The following CADM2 variants were observed in gnomAD, a reference collection of about 807,000 sequenced individuals.
CADM2 encodes immunoglobulin superfamily member 4D.
A neutral mutation model predicts 49.8 loss-of-function variants in CADM2; 12 were observed. The observed-to-expected ratio is 0.24, with a 90% CI of 0.15 to 0.39. CADM2 has a LOEUF of 0.39. Ranked by LOEUF, CADM2 falls within the 10% of genes least tolerant of loss-of-function variation. The pLI is 1.00. For missense variants in CADM2, 378 were observed against 492.3 expected, an observed-to-expected ratio of 0.77 and a Z score of 2.20; for synonymous variants, 214 against 175.4, an observed-to-expected ratio of 1.22 and a Z score of -1.74.
chr3:85,735,069 T>G (rs1484763407), intron 2 of CADM2, among the ~76,000 whole-genome samples: 1 of 151,842 alleles, frequency 6.6e-6, no homozygotes, highest in African/African-American at 2.4e-5. Context: ...AATAATTCAA[T>G]CATTTCTTTA....
intron 7 of CADM2, among the ~76,000 whole-genome samples, chr3:85,958,603 G>A (rs1051079027): frequency 2.6e-5 from 4 of 151,900 alleles, no homozygotes; most frequent in East Asian, 1.9e-4. Context: ...GCACACATAC[G>A]TTTATTGCAG....
chr3:85,381,167 T>C (rs1036236432), intron 1 of CADM2, among the ~76,000 whole-genome samples: 1 of 151,998 alleles, frequency 6.6e-6, no homozygotes, highest in African/African-American at 2.4e-5. Context: ...ATATAAAGCA[T>C]GCAAAGACAA....
chr3:85,505,393 A>G (rs1261608937), intron 1 of CADM2, among the ~76,000 whole-genome samples: 3 of 152,188 alleles, frequency 2.0e-5, no homozygotes, highest in Non-Finnish European at 4.4e-5. Flanking sequence ...AAAATCTAGG[A>G]GGGGAATCAT....
At chr3:85,689,608 A>G (rs1191017491) in intron 1 of CADM2, among the ~76,000 whole-genome samples, 6 of 152,156 alleles carry the variant, frequency 3.9e-5, no homozygotes, top group Admixed American at 2.0e-4. Context: ...AGATTGAAAA[A>G]CAATATGGAT....
chr3:85,141,964 C>T (rs962807431), intron 1 of CADM2, among the ~76,000 whole-genome samples: 14 of 152,116 alleles, frequency 9.2e-5, no homozygotes, highest in African/African-American at 3.1e-4. Flanking sequence ...ATTAATCATT[C>T]AGGAATCCAA....
chr3:85,825,808 TG>T (rs2073879903), intron 3 of CADM2, among the ~76,000 whole-genome samples: 1 of 152,070 alleles, frequency 6.6e-6, no homozygotes, highest in Non-Finnish European at 1.5e-5. Flanking sequence ...TTTACATGGA[TG>T]AATTATATAT....
chr3:86,025,418 A>T (rs1733774829), intron 8 of CADM2, among the ~76,000 whole-genome samples: 1 of 150,026 alleles, frequency 6.7e-6, no homozygotes, highest in African/African-American at 2.5e-5. Flanking sequence ...GAACAAAGTA[A>T]ATATCTTCTA....
At chr3:85,772,226 A>T (rs1407993514) in intron 2 of CADM2, among the ~76,000 whole-genome samples, 1 of 151,950 alleles carries the variant, frequency 6.6e-6, no homozygotes, top group African/African-American at 2.4e-5. Flanking sequence ...CCAACTGGAA[A>T]AAGATAATTT....
At chr3:86,050,347 C>T (rs1737192139) in intron 8 of CADM2, among the ~76,000 whole-genome samples, 1 of 152,212 alleles carries the variant, frequency 6.6e-6, no homozygotes, top group African/African-American at 2.4e-5. Context: ...TTGCAGAGTT[C>T]AGTGCCTGTG....
At chr3:85,496,071 T>G (rs1284435605) in intron 1 of CADM2, among the ~76,000 whole-genome samples, 1 of 152,190 alleles carries the variant, frequency 6.6e-6, no homozygotes, top group Non-Finnish European at 1.5e-5. Context: ...TATACTGGGT[T>G]CAGGGGTACA....
At chr3:85,201,821 A>G (rs2041510373) in intron 1 of CADM2, among the ~76,000 whole-genome samples, 1 of 152,022 alleles carries the variant, frequency 6.6e-6, no homozygotes, top group East Asian at 1.9e-4. Context: ...AGTGGCTCAC[A>G]CCTGTAATTC....
intron 1 of CADM2, among the ~76,000 whole-genome samples, chr3:85,407,476 C>T (rs1199923574): frequency 6.6e-6 from 1 of 152,130 alleles, no homozygotes; most frequent in African/African-American, 2.4e-5. Context: ...CCCCTAACCT[C>T]TCACTCACCT....
intron 3 of CADM2, among the ~76,000 whole-genome samples, chr3:85,869,080 C>G (rs1349999869): frequency 6.6e-6 from 1 of 151,864 alleles, no homozygotes; most frequent in Non-Finnish European, 1.5e-5. Context: ...AATGATATCC[C>G]TTTTATGATA....
chr3:85,815,655 A>T (rs1199388859), intron 3 of CADM2, among the ~76,000 whole-genome samples: 1 of 152,210 alleles, frequency 6.6e-6, no homozygotes, highest in Non-Finnish European at 1.5e-5. Flanking sequence ...AATGGGCAGA[A>T]GCTGGAAGCA....
chr3:85,268,516 G>T (rs1331693131), intron 1 of CADM2, among the ~76,000 whole-genome samples: 1 of 151,188 alleles, frequency 6.6e-6, no homozygotes. Flanking sequence ...GTTCAATTTT[G>T]TAAATTGAAG....
At chr3:85,638,420 T>C (rs950969908) in intron 1 of CADM2, among the ~76,000 whole-genome samples, 1 of 152,058 alleles carries the variant, frequency 6.6e-6, no homozygotes, top group Non-Finnish European at 1.5e-5. Flanking sequence ...ATTGAAAAAA[T>C]ATTTTCAAAC....
At chr3:85,510,247 C>A (rs545999716) in intron 1 of CADM2, among the ~76,000 whole-genome samples, 2 of 152,050 alleles carry the variant, frequency 1.3e-5, no homozygotes, top group South Asian at 4.1e-4. Flanking sequence ...CTTCAGAAGT[C>A]CCTTTGAGAT....
intron 1 of CADM2, among the ~76,000 whole-genome samples, chr3:85,499,989 A>T (rs1469148988): frequency 6.6e-6 from 1 of 152,160 alleles, no homozygotes; most frequent in Non-Finnish European, 1.5e-5. Flanking sequence ...ACAATTACTG[A>T]TATGTTTTAC....
intron 1 of CADM2, among the ~76,000 whole-genome samples, chr3:85,005,836 C>T (rs557866346): frequency 2.6e-5 from 4 of 151,968 alleles, no homozygotes; most frequent in Non-Finnish European, 5.9e-5. Context: ...ATTACCAACT[C>T]TGAGGAGTTT....
Sources: gnomAD v4.1 joint callset for allele counts (sites outside exome capture counted in the v4.1 genomes callset) on GRCh38, gnomAD v4.1.1 for gene constraint, MANE v1.5 for transcripts, NCBI Gene and HGNC (gene_info 2026-07-23, HGNC 2026-07-21) for gene names.